DLG2: variants seen among roughly 807,000 people sequenced by gnomAD.
DLG2 encodes disks large homolog 2.
In DLG2, 45 loss-of-function variants were observed where a neutral mutation model predicts 132.5. The observed-to-expected ratio is 0.34, with a 90% CI of 0.27 to 0.44. The LOEUF (loss-of-function observed/expected upper bound fraction) is 0.44. Among genes scored for constraint, DLG2 ranks in the 20% least tolerant of loss-of-function variants. The pLI is 1.00. For synonymous variants in DLG2, 424 were observed against 419.6 expected, an observed-to-expected ratio of 1.01 and a Z score of -0.13; for missense variants, 1,045 against 1,196.9, an observed-to-expected ratio of 0.87 and a Z score of 1.87.
At chr11:85,047,475 A>T (rs935901452) in intron 6 of DLG2, among the ~76,000 whole-genome samples, 1 of 151,962 alleles carries the variant, frequency 6.6e-6, no homozygotes, top group Non-Finnish European at 1.5e-5. Flanking sequence ...AGGTTGAGGC[A>T]TTCTAATTCA....
chr11:84,800,861 G>C (rs191028503), intron 6 of DLG2, among the ~76,000 whole-genome samples: 1 of 152,112 alleles, frequency 6.6e-6, no homozygotes. Flanking sequence ...CAAGTTTAAT[G>C]ACATGTTCAG....
At chr11:84,265,330 G>A (rs1417095259) in intron 7 of DLG2, among the ~76,000 whole-genome samples, 1 of 151,400 alleles carries the variant, frequency 6.6e-6, no homozygotes, top group African/African-American at 2.4e-5. Context: ...ACATGATTTT[G>A]TTAGACTTCG....
At chr11:84,897,848 A>G (rs1401204518) in intron 6 of DLG2, among the ~76,000 whole-genome samples, 1 of 151,920 alleles carries the variant, frequency 6.6e-6, no homozygotes, top group East Asian at 1.9e-4. Flanking sequence ...GGCCGTGTAA[A>G]AAATATTGGG....
rs981732825 is a variant in DLG2 at position 84,453,748 on chromosome 11, C to T, written c.519+80822G>A. Among the ~76,000 whole-genome samples, 6 of 151,676 alleles carry T rather than the reference C, an allele frequency of 4.0e-5. No individual in the cohort carries two copies. In the East Asian group the frequency reaches 1.2e-3, roughly 29 times the overall value. ...TGAAGTACCTTGTTGGGGGTTGACA[C>T]TCAACCAACAATGGCACATTCCGCA... On this transcript the variant is annotated intron_variant, in intron 7 of 27. Coordinates refer to ENST00000376104, the MANE Select transcript of DLG2 (RefSeq NM_001142699.3).
At chr11:85,465,147 A>AT (rs561640411) in intron 3 of DLG2, among the ~76,000 whole-genome samples, 2,167 of 89,860 alleles carry the variant, frequency 0.024, 103 homozygotes, top group African/African-American at 0.078. Flanking sequence ...ACAATATAAG[A>AT]TTTTTTTTTT....
chr11:83,852,905 C>T (rs2059999852), intron 16 of DLG2, among the ~76,000 whole-genome samples: 1 of 152,208 alleles, frequency 6.6e-6, no homozygotes. Context: ...TCCCTTTCTA[C>T]CCAGACTCCT....
intron 3 of DLG2, among the ~76,000 whole-genome samples, chr11:85,413,699 C>T (rs528385233): frequency 4.0e-5 from 6 of 151,828 alleles, no homozygotes; most frequent in Admixed American, 2.0e-4. Flanking sequence ...GCTTTGTTGA[C>T]GATCAGTTAG....
At chr11:83,840,174 T>C (rs2057234612) in intron 16 of DLG2, among the ~76,000 whole-genome samples, 1 of 152,188 alleles carries the variant, frequency 6.6e-6, no homozygotes, top group African/African-American at 2.4e-5. Flanking sequence ...GATAACTTGT[T>C]CCTTGGGTCC....
chr11:84,610,434 A>G (rs1055766989), intron 6 of DLG2, among the ~76,000 whole-genome samples: 11 of 152,140 alleles, frequency 7.2e-5, no homozygotes, highest in African/African-American at 1.9e-4. Context: ...CTTCATCAAT[A>G]TAGTCATATC....
At chr11:83,825,503 T>C (rs1247202828) in intron 17 of DLG2, among the ~76,000 whole-genome samples, 4 of 152,040 alleles carry the variant, frequency 2.6e-5, no homozygotes, top group African/African-American at 9.7e-5. Context: ...TTCTTTAACA[T>C]ATATTATACA....
At chr11:85,106,755 T>A (rs1392297819) in intron 6 of DLG2, among the ~76,000 whole-genome samples, 1 of 151,928 alleles carries the variant, frequency 6.6e-6, no homozygotes, top group Non-Finnish European at 1.5e-5. Flanking sequence ...AGTAGAAGAG[T>A]AATACTTTAC....
intron 7 of DLG2, among the ~76,000 whole-genome samples, chr11:84,358,998 G>A (rs1258755286): frequency 6.6e-6 from 1 of 151,876 alleles, no homozygotes; most frequent in East Asian, 1.9e-4. Flanking sequence ...GATACAGCAT[G>A]TCAGGTTGTG....
intron 19 of DLG2, among the ~76,000 whole-genome samples, chr11:83,567,047 G>T (rs1324421662): frequency 6.6e-6 from 1 of 152,092 alleles, no homozygotes; most frequent in African/African-American, 2.4e-5. Flanking sequence ...CACAGGAACG[G>T]TTAATCCAGT....
intron 6 of DLG2, among the ~76,000 whole-genome samples, chr11:84,869,007 T>C (rs956036907): frequency 1.3e-5 from 2 of 152,176 alleles, no homozygotes; most frequent in African/African-American, 4.8e-5. Flanking sequence ...GGATGTGATA[T>C]GAAAAATTTT....
intron 6 of DLG2, among the ~76,000 whole-genome samples, chr11:84,957,911 G>T (rs1362950710): frequency 6.6e-6 from 1 of 152,100 alleles, no homozygotes; most frequent in East Asian, 1.9e-4. Flanking sequence ...CTAAGTGGAG[G>T]CATAAATTGG....
At chr11:83,652,664 G>A (rs543934569) in intron 18 of DLG2, among the ~76,000 whole-genome samples, 98 of 152,214 alleles carry the variant, frequency 6.4e-4, no homozygotes, top group Non-Finnish European at 1.1e-3. Context: ...GAGCCACTGC[G>A]CCTAGCCTAG....
intron 16 of DLG2, among the ~76,000 whole-genome samples, chr11:83,868,415 G>A (rs1395270801): frequency 6.6e-6 from 1 of 152,006 alleles, no homozygotes; most frequent in East Asian, 1.9e-4. Flanking sequence ...TCAAATGGGT[G>A]CTCATCTCCT....
chr11:85,484,598 A>G (rs1017466058), intron 3 of DLG2, among the ~76,000 whole-genome samples: 2 of 152,106 alleles, frequency 1.3e-5, no homozygotes, highest in Non-Finnish European at 2.9e-5. Flanking sequence ...AACACATGAA[A>G]AAATGCTCAC....
chr11:84,170,301 A>G (rs2095791390), intron 8 of DLG2, among the ~76,000 whole-genome samples: 1 of 152,210 alleles, frequency 6.6e-6, no homozygotes, highest in South Asian at 2.1e-4. Flanking sequence ...CAACTTAAAT[A>G]CTGAATAAAT....
Sources: allele counts gnomAD v4.1 joint callset (sites outside exome capture counted in the v4.1 genomes callset), GRCh38; gene constraint gnomAD v4.1.1; transcripts MANE v1.5; gene names NCBI Gene and HGNC (gene_info 2026-07-23, HGNC 2026-07-21).